Variants in LUZP2 observed in about 807,000 individuals in gnomAD.
LUZP2 encodes the protein leucine zipper protein 2.
LUZP2 carries 52 observed loss-of-function variants against 51.6 expected under a neutral mutation model. The ratio of observed to expected loss-of-function variants is 1.01; its 90% CI spans 0.81 to 1.27. LUZP2 has a LOEUF of 1.27. Among genes scored for constraint, LUZP2 ranks in the 50% most tolerant of loss-of-function variants. The probability of loss-of-function intolerance (pLI) is 0.00; values close to 1 mark genes in which losing one functional copy is unlikely to be tolerated. For synonymous variants in LUZP2, 154 were observed against 137.3 expected, an observed-to-expected ratio of 1.12 and a Z score of -0.85; for missense variants, 436 against 395.4, an observed-to-expected ratio of 1.10 and a Z score of -0.87.
chr11:24,866,553 CATTTGA>C (rs1424144351), intron 5 of LUZP2, among the ~76,000 whole-genome samples: 2 of 151,970 alleles, frequency 1.3e-5, no homozygotes, highest in African/African-American at 4.8e-5. Context: ...ATAGCAATCC[CATTTGA>C]AAAAGGAAAT....
chr11:24,871,404 C>T (rs151336259), intron 5 of LUZP2, among the ~76,000 whole-genome samples: 486 of 152,088 alleles, frequency 3.2e-3, no homozygotes, highest in African/African-American at 0.011. Flanking sequence ...TCTCTCCTAC[C>T]AACTTGCTAC....
intron 7 of LUZP2, among the ~76,000 whole-genome samples, chr11:24,959,235 C>T (rs9704101): frequency 0.48 from 72,897 of 151,510 alleles, 17,895 homozygotes; most frequent in Non-Finnish European, 0.51. Flanking sequence ...CTTGGCGATG[C>T]GGGCTCTTTT....
At chr11:25,066,087 T>C (rs1001006328) in intron 10 of LUZP2, among the ~76,000 whole-genome samples, 2 of 151,804 alleles carry the variant, frequency 1.3e-5, no homozygotes, top group Admixed American at 1.3e-4. Context: ...TGAGCATTTG[T>C]TGGAAGGAGG....
At chr11:24,979,335 A>C (rs1424608852) in intron 8 of LUZP2, among the ~76,000 whole-genome samples, 1 of 151,896 alleles carries the variant, frequency 6.6e-6, no homozygotes, top group African/African-American at 2.4e-5. Flanking sequence ...GATACATATG[A>C]GGTTCATAAA....
intron 1 of LUZP2, among the ~76,000 whole-genome samples, chr11:24,716,815 G>T (rs1449590536): frequency 6.6e-6 from 1 of 152,154 alleles, no homozygotes; most frequent in South Asian, 2.1e-4. Flanking sequence ...AGAATCTCTT[G>T]AACTCAGGAG....
intron 5 of LUZP2, among the ~76,000 whole-genome samples, chr11:24,840,842 A>G (rs538720669): frequency 2.7e-4 from 41 of 152,108 alleles, no homozygotes; most frequent in African/African-American, 9.6e-4. Flanking sequence ...GCATCATTCT[A>G]TCTAAGAAGA....
intron 7 of LUZP2, among the ~76,000 whole-genome samples, chr11:24,975,505 G>A (rs1855860665): frequency 6.6e-6 from 1 of 152,012 alleles, no homozygotes; most frequent in Non-Finnish European, 1.5e-5. Context: ...ACAGTGCCTG[G>A]CATAGTGAAG....
chr11:25,042,284 A>T (rs1159566534), intron 9 of LUZP2, among the ~76,000 whole-genome samples: 1 of 152,080 alleles, frequency 6.6e-6, no homozygotes, highest in African/African-American at 2.4e-5. Flanking sequence ...TTGATTTTAT[A>T]ATTATCCTCT....
intron 1 of LUZP2, among the ~76,000 whole-genome samples, chr11:24,696,555 C>G (rs1386859200): frequency 6.6e-6 from 1 of 151,984 alleles, no homozygotes; most frequent in African/African-American, 2.4e-5. Flanking sequence ...ATAACATACT[C>G]ATCCATTTTT....
intron 5 of LUZP2, among the ~76,000 whole-genome samples, chr11:24,871,026 A>C: frequency 6.6e-6 from 1 of 151,996 alleles, no homozygotes; most frequent in East Asian, 1.9e-4. Flanking sequence ...CTCACTTTCT[A>C]CATTATATTT....
At chr11:25,018,078 A>G (rs61892138) in intron 9 of LUZP2, among the ~76,000 whole-genome samples, 142,011 of 147,100 alleles carry the variant, frequency 0.97, 68,716 homozygotes, top group East Asian at 1. Context: ...TTTAAAAAGG[A>G]TTGAGTTCTT....
At chr11:24,752,871 A>G (rs1590453322) in intron 4 of LUZP2, among the ~76,000 whole-genome samples, 1 of 152,260 alleles carries the variant, frequency 6.6e-6, no homozygotes, top group South Asian at 2.1e-4. Context: ...AAAATGAGAC[A>G]GAATAACTAA....
At chr11:24,986,115 T>C (rs973588349) in intron 9 of LUZP2, among the ~76,000 whole-genome samples, 1 of 151,782 alleles carries the variant, frequency 6.6e-6, no homozygotes. Context: ...AAATAGAGCA[T>C]GCATGTCACT....
At chr11:24,834,065 T>G (rs1271865434) in intron 5 of LUZP2, among the ~76,000 whole-genome samples, 1 of 152,152 alleles carries the variant, frequency 6.6e-6, no homozygotes, top group Non-Finnish European at 1.5e-5. Context: ...GTTGGATTTT[T>G]TTTTGTTTTT....
intron 5 of LUZP2, among the ~76,000 whole-genome samples, chr11:24,863,991 A>G (rs1052916782): frequency 3.4e-5 from 5 of 148,452 alleles, no homozygotes; most frequent in Non-Finnish European, 6.0e-5. Context: ...TTAGTGGAAA[A>G]AATAATAAAA....
chr11:24,987,030 C>G (rs546858932), intron 9 of LUZP2, among the ~76,000 whole-genome samples: 1 of 151,788 alleles, frequency 6.6e-6, no homozygotes, highest in Non-Finnish European at 1.5e-5. Flanking sequence ...ACTCATCTTT[C>G]GTGTCTATTA....
At chr11:24,943,001 C>T (rs1208534004) in intron 7 of LUZP2, among the ~76,000 whole-genome samples, 1 of 152,128 alleles carries the variant, frequency 6.6e-6, no homozygotes, top group East Asian at 1.9e-4. Flanking sequence ...AGAAGACCAA[C>T]TGATGGTATA....
At chr11:24,821,102 G>T (rs1452593583) in intron 5 of LUZP2, among the ~76,000 whole-genome samples, 1 of 152,100 alleles carries the variant, frequency 6.6e-6, no homozygotes, top group Non-Finnish European at 1.5e-5. Context: ...TTAAGAATAT[G>T]TAGTCTTAAA....
chr11:25,036,760 T>G (rs1857877558), intron 9 of LUZP2, among the ~76,000 whole-genome samples: 1 of 152,116 alleles, frequency 6.6e-6, no homozygotes, highest in Non-Finnish European at 1.5e-5. Context: ...TTAATTTTCA[T>G]GCGTTGAGAG....
Sources: gnomAD v4.1 joint callset for allele counts (sites outside exome capture counted in the v4.1 genomes callset) on GRCh38, gnomAD v4.1.1 for gene constraint, MANE v1.5 for transcripts, NCBI Gene and HGNC (gene_info 2026-07-23, HGNC 2026-07-21) for gene names.